The following BACH2 variants were observed in gnomAD, a reference collection of about 807,000 sequenced individuals.
BACH2 encodes the protein BACH transcriptional regulator 2, also known as transcription regulator protein BACH2.
In BACH2, 5 loss-of-function variants were observed where a neutral mutation model predicts 61.8. That is an observed-to-expected ratio of 0.08 (90% confidence interval 0.04 to 0.17). The LOEUF is 0.17. BACH2 is among the 10% of genes least tolerant of loss of function. The pLI is 1.00. For missense variants in BACH2, 824 were observed against 1,091.1 expected (o/e 0.76, Z 3.45); for synonymous variants, 446 against 440.1 (o/e 1.01, Z -0.17).
At chr6:90,124,975 A>AT (rs111438119) in intron 4 of BACH2, among the ~76,000 whole-genome samples, 1 of 152,094 alleles carries the variant, frequency 6.6e-6, no homozygotes, top group African/African-American at 2.4e-5. Flanking sequence ...CACTTCATTG[A>AT]TTTTTTTCCT....
chr6:89,979,899 T>C (rs1455670611), intron 6 of BACH2, among the ~76,000 whole-genome samples: 1 of 152,234 alleles, frequency 6.6e-6, no homozygotes, highest in Non-Finnish European at 1.5e-5. Context: ...GTAACCTGCA[T>C]TTGCATGAAC....
chr6:90,238,224 G>T (rs527965641), intron 3 of BACH2, among the ~76,000 whole-genome samples: 38 of 152,146 alleles, frequency 2.5e-4, no homozygotes, highest in South Asian at 1.7e-3. Context: ...CTTATCGATC[G>T]ATCGATCATC....
At chr6:90,125,444 T>C (rs1783807710) in intron 4 of BACH2, among the ~76,000 whole-genome samples, 1 of 152,234 alleles carries the variant, frequency 6.6e-6, no homozygotes, top group Non-Finnish European at 1.5e-5. Flanking sequence ...TGATATGGAT[T>C]ATCCTCTGCC....
intron 5 of BACH2, among the ~76,000 whole-genome samples, chr6:90,080,133 T>C (rs1198980863): frequency 6.6e-6 from 1 of 152,172 alleles, no homozygotes; most frequent in East Asian, 1.9e-4. Context: ...GATCCACACC[T>C]TCCACATTTT....
chr6:90,180,689 G>A (rs1418713745), intron 4 of BACH2, among the ~76,000 whole-genome samples: 1 of 152,072 alleles, frequency 6.6e-6, no homozygotes, highest in East Asian at 1.9e-4. Flanking sequence ...CATCCAAGTT[G>A]CTGCAAAGAC....
chr6:90,251,187 C>A (rs1305355301), intron 3 of BACH2, among the ~76,000 whole-genome samples: 2 of 151,718 alleles, frequency 1.3e-5, no homozygotes, highest in East Asian at 3.9e-4. Context: ...GATTTGTAAC[C>A]CAACTTACTG....
intron 4 of BACH2, among the ~76,000 whole-genome samples, chr6:90,094,206 C>T (rs953033351): frequency 3.3e-5 from 5 of 152,186 alleles, no homozygotes; most frequent in African/African-American, 4.8e-5. Flanking sequence ...AGGGAGTGTT[C>T]TTACCAATTA....
At chr6:90,222,946 C>A (rs1305952965) in intron 3 of BACH2, among the ~76,000 whole-genome samples, 2 of 152,198 alleles carry the variant, frequency 1.3e-5, no homozygotes, top group African/African-American at 4.8e-5. Flanking sequence ...CTCTGGCGCG[C>A]ACCCCTGCTC....
chr6:90,171,503 G>C (rs909152662), intron 4 of BACH2, among the ~76,000 whole-genome samples: 1 of 151,592 alleles, frequency 6.6e-6, no homozygotes. Flanking sequence ...ATCCAAATAG[G>C]GTAAAAAGTC....
chr6:90,018,214 C>G (rs912292664), intron 5 of BACH2, among the ~76,000 whole-genome samples: 1 of 152,324 alleles, frequency 6.6e-6, no homozygotes, highest in African/African-American at 2.4e-5. Context: ...ATCTGCTGAT[C>G]AGTACTCTGC....
At chr6:90,282,786 C>T (rs192251289) in intron 1 of BACH2, among the ~76,000 whole-genome samples, 225 of 151,984 alleles carry the variant, frequency 1.5e-3, no homozygotes, top group African/African-American at 5.1e-3. Context: ...GTTCCTTTTT[C>T]TCCATAACCT....
rs77822894 is a variant in BACH2 at position 90,170,649 on chromosome 6, G to A, written c.-162+35920C>T. Among the ~76,000 whole-genome samples the A allele has an allele frequency of 7.0e-3, 1,069 of 152,266 alleles. 15 individuals carry two copies. Among genetic ancestry groups the A allele is most frequent in the African/African-American group, 0.023 (956 of 41,526 alleles). ...AGGTAAAATATGATTCTATTGTGATGTAAAGTTACCTTTTTGACTGTAGTG... is the reference window on the plus strand; with the variant it reads ...AGGTAAAATATGATTCTATTGTGATATAAAGTTACCTTTTTGACTGTAGTG... On this transcript the variant is annotated intron_variant, in intron 4 of 8. Coordinates refer to ENST00000257749, the MANE Select transcript of BACH2 (RefSeq NM_021813.4).
intron 5 of BACH2, among the ~76,000 whole-genome samples, chr6:90,031,888 G>C (rs569479472): frequency 6.6e-6 from 1 of 152,034 alleles, no homozygotes. Context: ...AAAAGAGCCC[G>C]CATTGCCAAG....
intron 4 of BACH2, among the ~76,000 whole-genome samples, chr6:90,099,392 T>TTA (rs1348867676): frequency 1.3e-5 from 2 of 152,200 alleles, no homozygotes; most frequent in African/African-American, 4.8e-5. Flanking sequence ...TTGTTTTATT[T>TTA]TTTTTAGACA....
chr6:90,154,688 C>T (rs989430905), intron 4 of BACH2, among the ~76,000 whole-genome samples: 1 of 152,130 alleles, frequency 6.6e-6, no homozygotes, highest in African/African-American at 2.4e-5. Flanking sequence ...GAACAACAGG[C>T]CAGGAAGGGA....
chr6:90,224,421 A>G (rs16882532), intron 3 of BACH2, among the ~76,000 whole-genome samples: 1,780 of 152,270 alleles, frequency 0.012, 47 homozygotes, highest in African/African-American at 0.041. Flanking sequence ...GACAAGAGGA[A>G]TTTGCCTGTT....
intron 4 of BACH2, among the ~76,000 whole-genome samples, chr6:90,112,581 C>T (rs1275375923): frequency 1.3e-5 from 2 of 152,186 alleles, no homozygotes; most frequent in Non-Finnish European, 2.9e-5. Context: ...CCAGACCTGC[C>T]TTACAAGAGA....
At chr6:90,244,749 ACTC>A (rs1233021381) in intron 3 of BACH2, among the ~76,000 whole-genome samples, 3 of 150,832 alleles carry the variant, frequency 2.0e-5, no homozygotes, top group African/African-American at 7.3e-5. Context: ...ACTGCACTTG[ACTC>A]CTCCCTAAAA....
chr6:90,035,400 C>T (rs1457299473), intron 5 of BACH2, among the ~76,000 whole-genome samples: 1 of 152,132 alleles, frequency 6.6e-6, no homozygotes, highest in East Asian at 1.9e-4. Flanking sequence ...ACTAAACATA[C>T]AGTTCCACAG....
Sources: allele counts gnomAD v4.1 joint callset (sites outside exome capture counted in the v4.1 genomes callset), GRCh38; gene constraint gnomAD v4.1.1; transcripts MANE v1.5; gene names NCBI Gene and HGNC (gene_info 2026-07-23, HGNC 2026-07-21).